CELF1: variants seen among roughly 807,000 people sequenced by gnomAD.
The protein encoded by CELF1 is CUGBP Elav-like family member 1, also known as 50 kDa nuclear polyadenylated RNA-binding protein.
Under a neutral mutation model 61.8 loss-of-function variants are expected in CELF1, and 10 were observed. The observed-to-expected ratio is 0.16, with a 90% CI of 0.10 to 0.27. The LOEUF (loss-of-function observed/expected upper bound fraction) is 0.27. Among genes scored for constraint, CELF1 ranks in the 10% least tolerant of loss-of-function variants. The pLI, the probability that CELF1 is intolerant of heterozygous loss-of-function variation, is 1.00. For missense variants in CELF1, 380 were observed against 639.1 expected, an observed-to-expected ratio of 0.59 and a Z score of 4.37; for synonymous variants, 236 against 225.1, an observed-to-expected ratio of 1.05 and a Z score of -0.43.
At chr11:47,488,110 T>G (rs1281968959) in intron 4 of CELF1, among the ~76,000 whole-genome samples, 2 of 152,234 alleles carry the variant, frequency 1.3e-5, no homozygotes, top group African/African-American at 4.8e-5. Context: ...AGTTTCAATA[T>G]GATAATCATG....
intron 3 of CELF1, among the ~76,000 whole-genome samples, chr11:47,498,336 T>C (rs2093458960): frequency 6.6e-6 from 1 of 152,034 alleles, no homozygotes; most frequent in South Asian, 2.1e-4. Flanking sequence ...GCCCAGGAGG[T>C]TGAGGCTACA....
At chr11:47,545,867 CTGCGTGTGTGTGTGTGTG>C (rs1387681660) in intron 1 of CELF1, among the ~76,000 whole-genome samples, 3 of 121,616 alleles carry the variant, frequency 2.5e-5, no homozygotes, top group South Asian at 2.7e-4. Flanking sequence ...GTGTGTGTGT[CTGCGTGTGTGTGTGTGTG>C]TGTGTGTGTG....
intron 6 of CELF1, 70 bp downstream of exon 6, chr11:47,486,680 T>C: frequency 7.9e-7 from 1 of 1,265,040 alleles, no homozygotes; most frequent in Admixed American, 1.7e-5. Context: ...AGTGCTGGGA[T>C]TACAGGTGTG....
At chr11:47,517,466 T>G (rs1453125255) in intron 1 of CELF1, among the ~76,000 whole-genome samples, 2 of 152,146 alleles carry the variant, frequency 1.3e-5, no homozygotes, top group Non-Finnish European at 2.9e-5. Flanking sequence ...CAGAACACTA[T>G]GTAGCTATTA....
At chr11:47,547,575 G>A (rs1310393589) in intron 1 of CELF1, among the ~76,000 whole-genome samples, 17 of 151,368 alleles carry the variant, frequency 1.1e-4, no homozygotes, top group Admixed American at 1.1e-3. Flanking sequence ...TACTCAGGAG[G>A]CTGAGGCAGC....
chr11:47,523,355 C>G (rs1407261316), intron 1 of CELF1: 3 of 152,014 alleles, frequency 2.0e-5, no homozygotes, highest in Non-Finnish European at 2.9e-5. Context: ...AACATTAGGA[C>G]AGTAAAATGA....
intron 1 of CELF1, among the ~76,000 whole-genome samples, chr11:47,545,171 T>A (rs964890834): frequency 6.6e-6 from 1 of 152,066 alleles, no homozygotes; most frequent in Non-Finnish European, 1.5e-5. Context: ...GGTTCATGCC[T>A]GTAATCCCAG....
At chr11:47,556,789 G>A (rs572481010), upstream of CELF1, among the ~76,000 whole-genome samples, 1 of 152,182 alleles carries the variant, frequency 6.6e-6, no homozygotes, top group African/African-American at 2.4e-5. Flanking sequence ...GCTGAGGTAG[G>A]AGGATCCCTT....
chr11:47,477,284 T>G lies in CELF1; in HGVS notation c.973+13A>C. The G allele has an allele frequency of 5.0e-6, 8 of 1,613,954 alleles. No individual in the cohort carries two copies. Among genetic ancestry groups the G allele is most frequent in the Non-Finnish European group, 6.8e-6 (8 of 1,179,860 alleles). On this transcript the variant is annotated intron_variant, in intron 11 of 14. Transcript: ENST00000687097. ...AGGCACATAATGGCACACTGGGTCA[T>G]CCTCATGCTTACCTGAACTAGTGAG...
chr11:47,504,563 C>T (rs879567582), intron 1 of CELF1, among the ~76,000 whole-genome samples: 2 of 141,206 alleles, frequency 1.4e-5, no homozygotes, highest in South Asian at 2.2e-4. Flanking sequence ...TGGGCAACAG[C>T]GTGAGACCCT....
At chr11:47,504,452 C>A (rs549106718) in intron 1 of CELF1, among the ~76,000 whole-genome samples, 2 of 152,134 alleles carry the variant, frequency 1.3e-5, no homozygotes, top group African/African-American at 4.8e-5. Flanking sequence ...ATGGTGCCCA[C>A]CTGTAGTCCC....
chr11:47,488,853 GT>G lies in CELF1; in HGVS notation c.242del (p.Asn81ThrfsTer20). 1.3e-6 allele frequency: 2 copies of G among 1,562,596 alleles called. No homozygotes were observed. Among genetic ancestry groups the G allele is most frequent in the South Asian group, 1.2e-5 (1 of 83,280 alleles). On this transcript the variant is annotated frameshift_variant, in exon 4 of 15. Transcript: ENST00000687097. LOFTEE classifies it high-confidence loss of function. ...AGCCCTAACCTTTGCTCTGAGGCGG[GT>G]TTTGGCTCCTATCCCTTAGGACGTT... ...EINVLRDRSQ[N>X]PPQSKGCCFV...
intron 1 of CELF1, among the ~76,000 whole-genome samples, chr11:47,551,204 C>A (rs543815907): frequency 1.3e-5 from 2 of 152,138 alleles, no homozygotes; most frequent in East Asian, 3.9e-4. Flanking sequence ...TAAAGAAAAC[C>A]CTGGGTTTTC....
At position 47,514,692 on chromosome 11, in the gene CELF1, C is replaced by CAAA. The variant is rs34636337; in HGVS notation, c.-153-13763_-153-13761dup. On this transcript the variant is annotated intron_variant, in intron 1 of 14. Coordinates refer to ENST00000687097, the MANE Select transcript of CELF1 (RefSeq NM_001376376.1). ...GCAACATAGCAAGACCCTATCTCTA[C>CAAA]AAAAAAAAAAAAAAAAAAAATCAGA... 7.7e-3 allele frequency among the ~76,000 whole-genome samples: 813 copies of CAAA among 105,980 alleles called. 17 individuals are homozygous for CAAA. Among genetic ancestry groups the CAAA allele is most frequent in the African/African-American group, 0.018 (456 of 25,726 alleles). The allele number at this position is 105,980 out of a possible 152,430, so 69.5% of individuals were successfully genotyped here.
intron 14 of CELF1, 65 bp from the exon 15 acceptor site, chr11:47,472,422 T>C: frequency 6.4e-7 from 1 of 1,553,654 alleles, no homozygotes; most frequent in African/African-American, 1.4e-5. Context: ...CAGTCCTCCT[T>C]ATGCAAGATA....
chr11:47,553,519 C>T (rs2097190046), upstream of CELF1, among the ~76,000 whole-genome samples: 1 of 152,196 alleles, frequency 6.6e-6, no homozygotes, highest in Non-Finnish European at 1.5e-5. Flanking sequence ...TGAATAGGAG[C>T]ATAATAAGAT....
chr11:47,549,143 T>C (rs1055099164), intron 1 of CELF1, among the ~76,000 whole-genome samples: 1 of 152,130 alleles, frequency 6.6e-6, no homozygotes, highest in African/African-American at 2.4e-5. Context: ...ACTGGAACCC[T>C]TGTGTACTAC....
At chr11:47,482,543 G>C (rs887972343) in intron 9 of CELF1, 152 bp downstream of exon 9, 5 of 625,294 alleles carry the variant, frequency 8.0e-6, no homozygotes, top group African/African-American at 3.7e-5. Flanking sequence ...GAGACTAACA[G>C]GACTAAAAGA....
At chr11:47,538,622 A>C (rs907187534) in intron 1 of CELF1, among the ~76,000 whole-genome samples, 2 of 148,302 alleles carry the variant, frequency 1.3e-5, no homozygotes, top group Admixed American at 1.4e-4. Context: ...CAGCCTGGGC[A>C]AAAGAGCAAG....
Sources: gnomAD v4.1 joint callset for allele counts (sites outside exome capture counted in the v4.1 genomes callset) on GRCh38, gnomAD v4.1.1 for gene constraint, MANE v1.5 for transcripts, NCBI Gene and HGNC (gene_info 2026-07-23, HGNC 2026-07-21) for gene names.